TFDP2: variants seen among roughly 807,000 people sequenced by gnomAD.
The protein encoded by TFDP2 is transcription factor Dp-2 (E2F dimerization partner 2).
In TFDP2, 17 loss-of-function variants were observed where a neutral mutation model predicts 59.3. That is an observed-to-expected ratio of 0.29 (90% CI 0.20 to 0.43). The LOEUF (loss-of-function observed/expected upper bound fraction) is 0.43. TFDP2 is among the 20% of genes least tolerant of loss of function. TFDP2 has a pLI of 1.00. For missense variants in TFDP2, 391 were observed against 528.8 expected (o/e 0.74, Z 2.56); for synonymous variants, 180 against 194.7 (o/e 0.92, Z 0.63).
chr3:142,123,001 A>T (rs1003524199), intron 1 of TFDP2, among the ~76,000 whole-genome samples: 1 of 151,742 alleles, frequency 6.6e-6, no homozygotes, highest in African/African-American at 2.4e-5. Context: ...TCCGTCGCTC[A>T]GACTGGAGTG....
At chr3:142,031,880 T>TAG (rs1361460572) in intron 3 of TFDP2, among the ~76,000 whole-genome samples, 1 of 152,194 alleles carries the variant, frequency 6.6e-6, no homozygotes, top group African/African-American at 2.4e-5. Context: ...CAGATCTATA[T>TAG]AATGAAGCAG....
At chr3:142,128,273 T>A (rs148281099) in intron 1 of TFDP2, among the ~76,000 whole-genome samples, 2 of 152,116 alleles carry the variant, frequency 1.3e-5, no homozygotes, top group Non-Finnish European at 2.9e-5. Context: ...TTTAAGGACA[T>A]AGAAACTAGG....
intron 3 of TFDP2, among the ~76,000 whole-genome samples, chr3:142,008,830 GTGTA>G (rs1944422518): frequency 6.6e-6 from 1 of 152,106 alleles, no homozygotes; most frequent in South Asian, 2.1e-4. Flanking sequence ...TTTTATGTGT[GTGTA>G]TGTATGTGTG....
chr3:142,137,205 T>C (rs1303226383), intron 1 of TFDP2, among the ~76,000 whole-genome samples: 2 of 152,242 alleles, frequency 1.3e-5, no homozygotes, highest in South Asian at 2.1e-4. Flanking sequence ...TGTGTAGGAA[T>C]GCTTGTGATT....
intron 1 of TFDP2, among the ~76,000 whole-genome samples, chr3:142,145,980 TTAA>T (rs970799677): frequency 2.6e-5 from 4 of 152,116 alleles, no homozygotes; most frequent in African/African-American, 9.7e-5. Context: ...AACCAAAGAA[TTAA>T]TAATAAAATT....
chr3:141,995,883 C>CAAAAA (rs146557075), intron 4 of TFDP2, among the ~76,000 whole-genome samples: 5 of 67,922 alleles, frequency 7.4e-5, no homozygotes, highest in Admixed American at 3.5e-4. Context: ...AACTCCATTT[C>CAAAAA]AAAAAAAAAA....
At chr3:142,138,257 T>G (rs1344000423) in intron 1 of TFDP2, among the ~76,000 whole-genome samples, 2 of 152,210 alleles carry the variant, frequency 1.3e-5, no homozygotes, top group Non-Finnish European at 2.9e-5. Context: ...TACTTGATTC[T>G]TCTCTCCTCT....
In TFDP2 at chr3:142,110,241, C is replaced by G. The variant is rs531184647; in HGVS notation, c.-92-8400G>C. On this transcript the variant is annotated intron_variant, in intron 1 of 12. Coordinates refer to ENST00000489671, the MANE Select transcript of TFDP2 (RefSeq NM_001178139.2). ...AAATGCAGCCAGGCACGGTGGCTCACGTCTGTAATCCCAGCACTTTGGTAG... is the reference window on the plus strand; with the variant it reads ...AAATGCAGCCAGGCACGGTGGCTCAGGTCTGTAATCCCAGCACTTTGGTAG... 2.3e-4 allele frequency among the ~76,000 whole-genome samples: 35 copies of G among 152,212 alleles called. No homozygotes were observed. The East Asian group carries it at 5.6e-3, about 24-fold the overall frequency.
chr3:142,088,298 C>T (rs2060872718), intron 3 of TFDP2, among the ~76,000 whole-genome samples: 1 of 152,060 alleles, frequency 6.6e-6, no homozygotes, highest in Non-Finnish European at 1.5e-5. Flanking sequence ...TATAACGCAA[C>T]CCTGGAGCAG....
At chr3:142,024,321 T>C (rs1428180041) in intron 3 of TFDP2, among the ~76,000 whole-genome samples, 1 of 152,166 alleles carries the variant, frequency 6.6e-6, no homozygotes, top group Non-Finnish European at 1.5e-5. Context: ...TTCTTGAAAC[T>C]TGGTAGAAAG....
chr3:141,989,286 G>A (rs1278864417), intron 6 of TFDP2: 3 of 152,214 alleles, frequency 2.0e-5, no homozygotes, highest in African/African-American at 7.2e-5. Flanking sequence ...CCCACTTGTG[G>A]AGGGCTAACC....
intron 3 of TFDP2, among the ~76,000 whole-genome samples, chr3:142,008,458 A>G (rs1944390979): frequency 1.3e-5 from 2 of 152,090 alleles, no homozygotes; most frequent in African/African-American, 4.8e-5. Flanking sequence ...TTTCATCTTC[A>G]GCTGCTCCCT....
At chr3:142,018,296 C>T (rs1945302180) in intron 3 of TFDP2, among the ~76,000 whole-genome samples, 1 of 152,072 alleles carries the variant, frequency 6.6e-6, no homozygotes, top group Admixed American at 6.6e-5. Flanking sequence ...CTCCAGCAGT[C>T]TATTTATTGA....
At chr3:142,115,932 G>A (rs2061839033) in intron 1 of TFDP2, among the ~76,000 whole-genome samples, 1 of 152,136 alleles carries the variant, frequency 6.6e-6, no homozygotes, top group Non-Finnish European at 1.5e-5. Flanking sequence ...AGTAGGATCT[G>A]TAGTCCAGTC....
intron 3 of TFDP2, among the ~76,000 whole-genome samples, chr3:142,087,753 T>G (rs559813987): frequency 2.6e-5 from 4 of 152,314 alleles, no homozygotes; most frequent in Admixed American, 6.5e-5. Context: ...CCACCCCCCT[T>G]GGCCTCCCAA....
intron 4 of TFDP2, among the ~76,000 whole-genome samples, chr3:142,001,322 A>G (rs1018526710): frequency 6.6e-6 from 1 of 152,140 alleles, no homozygotes; most frequent in Non-Finnish European, 1.5e-5. Context: ...CACACCTGGA[A>G]TGGCTAAGGA....
At chr3:142,058,425 A>G (rs2059811742) in intron 3 of TFDP2, among the ~76,000 whole-genome samples, 1 of 151,838 alleles carries the variant, frequency 6.6e-6, no homozygotes, top group African/African-American at 2.4e-5. Flanking sequence ...ACCTGGAGTT[A>G]GCCCAGACCT....
chr3:142,106,852 C>T (rs1219965142), intron 1 of TFDP2, among the ~76,000 whole-genome samples: 1 of 152,130 alleles, frequency 6.6e-6, no homozygotes, highest in Non-Finnish European at 1.5e-5. Flanking sequence ...AATTTAGCAG[C>T]TCCAGCCACA....
intron 3 of TFDP2, among the ~76,000 whole-genome samples, chr3:142,054,806 T>C (rs2059682518): frequency 2.0e-5 from 3 of 152,172 alleles, no homozygotes; most frequent in Non-Finnish European, 4.4e-5. Context: ...ACTTTTCTTA[T>C]TCATGAAACT....
Sources: gnomAD v4.1 joint callset for allele counts (sites outside exome capture counted in the v4.1 genomes callset) on GRCh38, gnomAD v4.1.1 for gene constraint, MANE v1.5 for transcripts, NCBI Gene and HGNC (gene_info 2026-07-23, HGNC 2026-07-21) for gene names.